Variants in BABAM2 observed in about 807,000 individuals in gnomAD.
The protein encoded by BABAM2 is BRISC and BRCA1 A complex member 2.
Under a neutral mutation model 54.7 loss-of-function variants are expected in BABAM2, and 31 were observed. That is an observed-to-expected ratio of 0.57 (90% CI 0.43 to 0.77). The LOEUF is 0.77. BABAM2 is among the 30% of genes least tolerant of loss of function. BABAM2 has a pLI of 0.00. For missense variants in BABAM2, 364 were observed against 455.8 expected (o/e 0.80, Z 1.83); for synonymous variants, 167 against 162.9 (o/e 1.03, Z -0.19).
At chr2:28,299,255 A>G (rs1687929499) in intron 11 of BABAM2, among the ~76,000 whole-genome samples, 1 of 152,198 alleles carries the variant, frequency 6.6e-6, no homozygotes, top group African/African-American at 2.4e-5. Flanking sequence ...TAGAGGTACA[A>G]CTATTGCTCA....
At chr2:28,117,708 C>T (rs539385147) in intron 6 of BABAM2, among the ~76,000 whole-genome samples, 7 of 152,162 alleles carry the variant, frequency 4.6e-5, no homozygotes, top group Non-Finnish European at 8.8e-5. Flanking sequence ...GAAGAAAGGA[C>T]CAGCCTTTTC....
chr2:28,301,357 C>G (rs1014198008), intron 11 of BABAM2, among the ~76,000 whole-genome samples: 5 of 152,212 alleles, frequency 3.3e-5, no homozygotes, highest in African/African-American at 1.2e-4. Flanking sequence ...GGCTGTCTAG[C>G]AGATTCTGTC....
chr2:28,262,056 G>A (rs971581827), intron 10 of BABAM2, among the ~76,000 whole-genome samples: 6 of 152,110 alleles, frequency 3.9e-5, no homozygotes, highest in African/African-American at 1.4e-4. Context: ...ACAGTGAAGC[G>A]TCACCCAACA....
intron 10 of BABAM2, among the ~76,000 whole-genome samples, chr2:28,268,426 CTT>C (rs954334687): frequency 1.2e-4 from 19 of 152,214 alleles, no homozygotes; most frequent in Admixed American, 1.1e-3. Flanking sequence ...TGGCTCATGT[CTT>C]TGTTCTGAGA....
chr2:28,298,330 C>T lies in BABAM2; in HGVS notation c.935-8C>T, dbSNP rs748791012. On this transcript the variant is annotated splice_region_variant and splice_polypyrimidine_tract_variant and intron_variant, in intron 10 of 11. Transcript: ENST00000379624. ...CTAACTTTCTTTTTCTTTCTTCTGT[C>T]TTTGCAGTTGACCTGCCTCTGTTTT... The T allele has an allele frequency of 5.6e-6, 9 of 1,612,176 alleles. No individual in the cohort carries two copies. Among genetic ancestry groups the T allele is most frequent in the Non-Finnish European group, 7.6e-6 (9 of 1,179,294 alleles).
intron 7 of BABAM2, among the ~76,000 whole-genome samples, chr2:28,226,957 A>G (rs1038268030): frequency 6.6e-6 from 1 of 151,850 alleles, no homozygotes; most frequent in African/African-American, 2.4e-5. Flanking sequence ...AGAAGCTGCC[A>G]TTTTCTGAGA....
At chr2:27,962,857 T>A (rs1670569479) in intron 3 of BABAM2, among the ~76,000 whole-genome samples, 1 of 152,246 alleles carries the variant, frequency 6.6e-6, no homozygotes, top group South Asian at 2.1e-4. Context: ...GTGTTCTTGG[T>A]AAATGCATAT....
intron 7 of BABAM2, among the ~76,000 whole-genome samples, chr2:28,218,757 T>C (rs1345730798): frequency 2.0e-5 from 3 of 152,200 alleles, no homozygotes; most frequent in Non-Finnish European, 4.4e-5. Flanking sequence ...CACCCACTAG[T>C]TTTGACAGCC....
intron 7 of BABAM2, among the ~76,000 whole-genome samples, chr2:28,137,245 C>T (rs767977648): frequency 2.6e-4 from 39 of 152,068 alleles, no homozygotes; most frequent in Non-Finnish European, 4.4e-4. Flanking sequence ...CATGTTTTCT[C>T]GAGTCACTGA....
chr2:27,942,426 T>A (rs952289779), intron 3 of BABAM2, among the ~76,000 whole-genome samples: 5 of 151,788 alleles, frequency 3.3e-5, no homozygotes, highest in Non-Finnish European at 7.4e-5. Flanking sequence ...AGTGGCGCGA[T>A]CACAACTCAC....
At chr2:28,327,515 A>G (rs541474679) in intron 11 of BABAM2, 1 of 1,463,570 alleles carries the variant, frequency 6.8e-7, no homozygotes, top group Non-Finnish European at 9.1e-7. Context: ...TGATGTCTAG[A>G]AATGGATCTC....
intron 9 of BABAM2, 28 bp downstream of exon 9, chr2:28,241,421 A>G (rs1217677312): frequency 6.2e-7 from 1 of 1,601,898 alleles, no homozygotes; most frequent in Admixed American, 1.7e-5. Context: ...TGAACGATAT[A>G]CCGGTGATGC....
chr2:28,271,644 A>G (rs1471392181), intron 10 of BABAM2, among the ~76,000 whole-genome samples: 1 of 152,164 alleles, frequency 6.6e-6, no homozygotes, highest in African/African-American at 2.4e-5. Context: ...ATTTTGGATA[A>G]ATATAGAAGG....
chr2:28,237,013 A>G (rs1237942440), intron 7 of BABAM2, among the ~76,000 whole-genome samples, 189 bp from the exon 8 acceptor site: 4 of 152,214 alleles, frequency 2.6e-5, no homozygotes, highest in African/African-American at 9.6e-5. Flanking sequence ...TAATGCAAAC[A>G]TGCTAATTTA....
Position 28,268,723 on chromosome 2 carries a change from G to A in BABAM2, c.934+23861G>A, listed in dbSNP as rs952116593. Reference sequence around the variant, plus strand: ...CCCAAGATCACAAATGCCGGCCCCCGTTGTTTGGATCAGCCCTCGTGCCCT... The same window carrying A: ...CCCAAGATCACAAATGCCGGCCCCCATTGTTTGGATCAGCCCTCGTGCCCT... On this transcript the variant is annotated intron_variant, in intron 10 of 11. Coordinates refer to ENST00000379624, the MANE Select transcript of BABAM2 (RefSeq NM_199191.3). Among the ~76,000 whole-genome samples the A allele has an allele frequency of 3.3e-5, 5 of 152,184 alleles. No homozygotes were observed. In the East Asian group the frequency reaches 5.8e-4, roughly 18 times the overall value.
intron 10 of BABAM2, among the ~76,000 whole-genome samples, chr2:28,261,353 GT>G (rs1684513800): frequency 2.7e-5 from 4 of 147,282 alleles, no homozygotes; most frequent in African/African-American, 1.0e-4. Flanking sequence ...TTGAGGCGGA[GT>G]CTTGCTCTGT....
At position 27,894,686 on chromosome 2, in the gene BABAM2, TATGTACCAGAATGAATTCAGTCA is replaced by T; in HGVS notation, c.128+14_128+36del. The T allele has an allele frequency of 6.2e-7, 1 of 1,614,076 alleles. No homozygotes were observed. On this transcript the variant is annotated splice_donor_5th_base_variant and intron_variant, in intron 2 of 11. Transcript: ENST00000379624. ...GAGGATAACTGACTTAAAATCTGGG[TATGTACCAGAATGAATTCAGTCA>T]ATGTACCAGAACCAATTCAACCTTT...
chr2:28,329,560 G>C lies in BABAM2; in HGVS notation c.1089-8890G>C, dbSNP rs1690771650. Reference sequence around the variant, plus strand: ...GAGAATACTATATAAACACCTCTGTGCAAATAAGCTAGAAAATCTAGATGA... The same window carrying C: ...GAGAATACTATATAAACACCTCTGTCCAAATAAGCTAGAAAATCTAGATGA... On this transcript the variant is annotated intron_variant, in intron 11 of 11. Transcript: ENST00000379624. The surrounding 1 kb of genome is among the most constrained non-coding windows in gnomAD (Gnocchi z 4.2). Among the ~76,000 whole-genome samples, 1 of 152,172 alleles carries C rather than the reference G, an allele frequency of 6.6e-6. No homozygotes were observed. The highest frequency in any genetic ancestry group is 2.1e-4 in the South Asian group (1 of 4,824).
chr2:28,270,840 A>T (rs777228634), intron 10 of BABAM2, among the ~76,000 whole-genome samples: 1 of 152,204 alleles, frequency 6.6e-6, no homozygotes, highest in Non-Finnish European at 1.5e-5. Context: ...CCAAATTTAA[A>T]CCAGTTCTCA....
Sources: gnomAD v4.1 joint callset for allele counts (sites outside exome capture counted in the v4.1 genomes callset) on GRCh38, gnomAD v4.1.1 for gene constraint, Gnocchi (gnomAD v3.1) non-coding constraint, MANE v1.5 for transcripts, NCBI Gene and HGNC (gene_info 2026-07-23, HGNC 2026-07-21) for gene names.